The following SCARA3 variants were observed in gnomAD, a reference collection of about 807,000 sequenced individuals.
SCARA3 encodes scavenger receptor class A member 3.
In SCARA3, 39 loss-of-function variants were observed where a neutral mutation model predicts 47.0. That is an observed-to-expected ratio of 0.83 (90% CI 0.64 to 1.08). The LOEUF (loss-of-function observed/expected upper bound fraction) is 1.08, where lower values mean the gene tolerates loss of function less well. SCARA3 is among the 50% of genes least tolerant of loss of function. The pLI is 0.00. For synonymous variants in SCARA3, 356 were observed against 334.1 expected (o/e 1.07, Z -0.71); for missense variants, 724 against 792.3 (o/e 0.91, Z 1.04).
chr8:27,661,379 G>A (rs1006223160), intron 5 of SCARA3, among the ~76,000 whole-genome samples: 1 of 152,164 alleles, frequency 6.6e-6, no homozygotes, highest in Non-Finnish European at 1.5e-5. Context: ...AGGAGTTAAA[G>A]TCCTTGAGTG....
chr8:27,670,089 T>C (rs1232859899), intron 5 of SCARA3, among the ~76,000 whole-genome samples: 1 of 152,186 alleles, frequency 6.6e-6, no homozygotes, highest in Non-Finnish European at 1.5e-5. Context: ...TATCTTCATC[T>C]TGGCAACTCC....
intron 5 of SCARA3, 107 bp from the exon 6 acceptor site, chr8:27,670,793 G>T: frequency 2.4e-6 from 2 of 849,746 alleles, no homozygotes; most frequent in Non-Finnish European, 3.6e-6. Flanking sequence ...GTGTCCGCTG[G>T]ACTTGTTCAA....
At chr8:27,675,586 T>C (rs571994450), downstream of SCARA3, among the ~76,000 whole-genome samples, 327 of 152,162 alleles carry the variant, frequency 2.1e-3, no homozygotes, top group Non-Finnish European at 3.5e-3. Flanking sequence ...GGTCAGGAGT[T>C]CAAGACCAGC....
chr8:27,689,188 T>A, the SCARA3 span, among the ~76,000 whole-genome samples: 1 of 152,112 alleles, frequency 6.6e-6, no homozygotes. Context: ...TGAGATTTGA[T>A]AAACCAGTTC....
the SCARA3 span, chr8:27,702,175 C>A: frequency 3.9e-5 from 6 of 152,222 alleles, no homozygotes; most frequent in Non-Finnish European, 8.8e-5. Context: ...GCCAGCCTCT[C>A]TCCCATGTCA....
At chr8:27,721,313 A>G in the SCARA3 span, among the ~76,000 whole-genome samples, 1 of 152,174 alleles carries the variant, frequency 6.6e-6, no homozygotes, top group Non-Finnish European at 1.5e-5. Context: ...TATTTACTCA[A>G]CCAATATTAT....
the SCARA3 span, chr8:27,702,424 GTGCTGTTTGC>G: frequency 6.6e-6 from 1 of 152,222 alleles, no homozygotes; most frequent in Non-Finnish European, 1.5e-5. Flanking sequence ...TGACCTTTCA[GTGCTGTTTGC>G]TCAGAAAGTG....
At position 27,672,938 on chromosome 8, in the gene SCARA3, C is replaced by T. The variant is rs34273829; in HGVS notation, c.*1587C>T. ...CAACTGGTTTGCACTGCACACCCCA[C>T]GGCCATGTAACTCTCCTGTCCACAT... On this transcript the variant is annotated 3_prime_UTR_variant, in exon 6 of 6. Transcript: ENST00000301904. The T allele has an allele frequency of 0.041, 40,663 of 985,298 alleles. 965 individuals carry two copies. The highest frequency in any genetic ancestry group is 0.082 in the African/African-American group (4,712 of 57,324). 61.0% of individuals were successfully genotyped at this position (985,298 alleles called of 1,614,324 possible).
intron 5 of SCARA3, among the ~76,000 whole-genome samples, chr8:27,667,769 C>T (rs1185542300): frequency 6.6e-6 from 1 of 152,186 alleles, no homozygotes; most frequent in African/African-American, 2.4e-5. Context: ...GACTATGGCA[C>T]GCCAGCACCG....
chr8:27,657,609 C>T (rs1248237709), intron 4 of SCARA3, among the ~76,000 whole-genome samples: 1 of 137,220 alleles, frequency 7.3e-6, no homozygotes, highest in Non-Finnish European at 1.6e-5. Context: ...GGTGTGATCT[C>T]GGCTCACTGC....
At chr8:27,648,785 G>A (rs919108523) in intron 1 of SCARA3, among the ~76,000 whole-genome samples, 2 of 141,694 alleles carry the variant, frequency 1.4e-5, no homozygotes, top group African/African-American at 5.0e-5. Flanking sequence ...GGCAAAGAAA[G>A]AGATAAAGAG....
chr8:27,639,526 G>A (rs780181724), intron 1 of SCARA3, among the ~76,000 whole-genome samples: 1 of 152,018 alleles, frequency 6.6e-6, no homozygotes, highest in Non-Finnish European at 1.5e-5. Flanking sequence ...TTTGGTGGTG[G>A]GGGAGAGAGA....
At chr8:27,725,542 A>AAAC in the SCARA3 span, among the ~76,000 whole-genome samples, 1 of 151,400 alleles carries the variant, frequency 6.6e-6, no homozygotes, top group Non-Finnish European at 1.5e-5. Context: ...AAAAAAAAAA[A>AAAC]CCAGAATAAT....
the SCARA3 span, among the ~76,000 whole-genome samples, chr8:27,693,868 A>G: frequency 2.3e-4 from 35 of 152,168 alleles, no homozygotes; most frequent in Non-Finnish European, 4.3e-4. Flanking sequence ...AAATCTACCT[A>G]TGACCTGGAA....
chr8:27,657,131 G>C (rs1307797994), intron 4 of SCARA3, among the ~76,000 whole-genome samples: 1 of 152,212 alleles, frequency 6.6e-6, no homozygotes, highest in Non-Finnish European at 1.5e-5. Flanking sequence ...TCTACAGGCA[G>C]AGAAGGAAGC....
Position 27,658,768 on chromosome 8 carries a change from G to A in SCARA3, c.598G>A (p.Ala200Thr). 6.2e-7 allele frequency: 1 copy of A among 1,614,114 alleles called. No individual in the cohort carries two copies. The highest frequency in any genetic ancestry group is 8.5e-7 in the Non-Finnish European group (1 of 1,179,978). Residue 200 changes from alanine to threonine, a missense_variant, in exon 5 of 6, where the codon GCT becomes ACT. Ala to Thr is a moderately conservative substitution (Grantham distance 58). Transcript: ENST00000301904. ...GGTGAGAGGCTGGCAGGCCACCACA[G>A]CTGGCCTGGACCTCTCTCTGAAGGA... The part of the protein sequence containing the change: ...AQVRGWQATT[A>T]GLDLSLKDLT...
At position 27,672,209 on chromosome 8, in the gene SCARA3, T is replaced by C; in HGVS notation, c.*858T>C. ...CTTGCACACAGTGCCCCCTGAGAAG[T>C]TCAACATTTATTTCTTCACGTGTCC... On this transcript the variant is annotated 3_prime_UTR_variant, in exon 6 of 6. Coordinates refer to ENST00000301904, the MANE Select transcript of SCARA3 (RefSeq NM_016240.3). 2.0e-6 allele frequency: 2 copies of C among 985,316 alleles called. No individual in the cohort carries two copies. Among genetic ancestry groups the C allele is most frequent in the Non-Finnish European group, 2.4e-6 (2 of 829,924 alleles). 61.0% of individuals were successfully genotyped at this position (985,316 alleles called of 1,614,324 possible).
chr8:27,714,193 C>CTTTTTT, the SCARA3 span, among the ~76,000 whole-genome samples: 15 of 114,126 alleles, frequency 1.3e-4, 1 homozygote, highest in African/African-American at 3.6e-4. Flanking sequence ...TCAGGTATTC[C>CTTTTTT]TTTTTTTTTT....
chr8:27,654,582 G>T (rs928557295), intron 3 of SCARA3, among the ~76,000 whole-genome samples: 3 of 150,728 alleles, frequency 2.0e-5, no homozygotes, highest in African/African-American at 7.3e-5. Context: ...AACATAGTGA[G>T]ACCCCAACTC....
Sources: gnomAD v4.1 joint callset for allele counts (sites outside exome capture counted in the v4.1 genomes callset) on GRCh38, gnomAD v4.1.1 for gene constraint, MANE v1.5 for transcripts, NCBI Gene and HGNC (gene_info 2026-07-23, HGNC 2026-07-21) for gene names.